Variants in NFILZ observed in about 807,000 individuals in gnomAD.
NFILZ encodes NFIL3 like protein.
rs2043128606 is a variant in NFILZ at position 8,678,328 on chromosome 19, A to T, written c.*693A>T. Among the ~76,000 whole-genome samples the T allele has an allele frequency of 6.6e-6, 1 of 150,408 alleles. No individual in the cohort carries two copies. The highest frequency in any genetic ancestry group is 6.6e-5 in the Admixed American group (1 of 15,124). ...TGTTCTTCCTTCTTTCTATCTAGCC[A>T]TCCATTCTCATTCATCCATGCATTT... On this transcript the variant is annotated 3_prime_UTR_variant, in exon 6 of 6. Coordinates refer to ENST00000691075, the MANE Select transcript of NFILZ (RefSeq NM_001378600.1).
At position 8,635,426 on chromosome 19, in the gene NFILZ, C is replaced by T. The variant is rs1313130822; in HGVS notation, c.-260-224C>T. On this transcript the variant is annotated intron_variant, in intron 2 of 5. Transcript: ENST00000691075. Reference sequence around the variant, plus strand: ...AATTTCTCTCCCTCAGTCCCAGCCCCTGGCCCCTGCTGACTTCCTCTCTGT... The same window carrying T: ...AATTTCTCTCCCTCAGTCCCAGCCCTTGGCCCCTGCTGACTTCCTCTCTGT... Among the ~76,000 whole-genome samples, 9 of 152,060 alleles carry T rather than the reference C, an allele frequency of 5.9e-5. No individual in the cohort carries two copies. The East Asian group carries it at 1.7e-3, about 29-fold the overall frequency.
chr19:8,631,070 C>A (rs7254400), intron 1 of NFILZ, among the ~76,000 whole-genome samples: 43,817 of 152,146 alleles, frequency 0.29, 6,469 homozygotes, highest in Middle Eastern at 0.38. Context: ...ACAGCTTTCT[C>A]AAACTTACTT....
intron 3 of NFILZ, among the ~76,000 whole-genome samples, chr19:8,653,043 TCTCTCTCTCTCTCTCTCTCTCTC>T (rs2042975894): frequency 0.015 from 1,066 of 69,234 alleles, 49 homozygotes; most frequent in East Asian, 0.1. Context: ...TTTCTTTCTC[TCTCTCTCTCTCTCTCTCTCTCTC>T]TCTCTCTCTC....
chr19:8,636,029 G>T (rs1422167319), intron 3 of NFILZ, among the ~76,000 whole-genome samples: 6 of 151,854 alleles, frequency 4.0e-5, no homozygotes, highest in South Asian at 2.1e-4. Flanking sequence ...TAGAGAGGGG[G>T]TTTCACCGTA....
chr19:8,656,289 C>CAGCCCACCTTCTCCCTGA (rs2042994358), intron 3 of NFILZ, among the ~76,000 whole-genome samples: 3 of 32,958 alleles, frequency 9.1e-5, no homozygotes, highest in Non-Finnish European at 2.2e-4. Flanking sequence ...CTTCTCCCCA[C>CAGCCCACCTTCTCCCTGA]AGCCCACCTC....
chr19:8,655,627 A>G (rs4804321), intron 3 of NFILZ, among the ~76,000 whole-genome samples: 193 of 152,266 alleles, frequency 1.3e-3, no homozygotes, highest in Admixed American at 2.0e-3. Context: ...CGTCCAGAGC[A>G]GGTGAGGACG....
chr19:8,665,478 G>A (rs2043057801), intron 3 of NFILZ, among the ~76,000 whole-genome samples: 2 of 152,052 alleles, frequency 1.3e-5, no homozygotes, highest in Non-Finnish European at 2.9e-5. Context: ...CTTCAAACAG[G>A]GTATGAGTCC....
chr19:8,671,162 G>A (rs184254910), intron 3 of NFILZ, among the ~76,000 whole-genome samples: 62 of 152,220 alleles, frequency 4.1e-4, no homozygotes, highest in African/African-American at 1.4e-3. Context: ...AGCTGCGGAG[G>A]CTGCTTGGCT....
At chr19:8,648,372 A>G (rs1555747406) in intron 3 of NFILZ, among the ~76,000 whole-genome samples, 1 of 152,100 alleles carries the variant, frequency 6.6e-6, no homozygotes, top group African/African-American at 2.4e-5. Flanking sequence ...TTTAATGGGT[A>G]TGCTGTTTTG....
chr19:8,653,034 TTCTTTCTCTCTC>T (rs1486598538), intron 3 of NFILZ, among the ~76,000 whole-genome samples: 17 of 57,508 alleles, frequency 3.0e-4, no homozygotes, highest in African/African-American at 1.0e-3. Context: ...CTTTCTTTCT[TTCTTTCTCTCTC>T]TCTCTCTCTC....
At chr19:8,634,466 T>C (rs1422708120) in intron 2 of NFILZ, among the ~76,000 whole-genome samples, 1 of 152,252 alleles carries the variant, frequency 6.6e-6, no homozygotes, top group African/African-American at 2.4e-5. Context: ...TTATTTTTTG[T>C]AGAGATGGGA....
At chr19:8,674,228 A>C (rs2043101273) in intron 3 of NFILZ, among the ~76,000 whole-genome samples, 1 of 152,176 alleles carries the variant, frequency 6.6e-6, no homozygotes, top group Non-Finnish European at 1.5e-5. Context: ...GGCGGAGCAG[A>C]CTCACACATT....
intron 3 of NFILZ, among the ~76,000 whole-genome samples, chr19:8,666,385 AGGCTG>A (rs1404342606): frequency 5.3e-5 from 8 of 151,584 alleles, no homozygotes; most frequent in Non-Finnish European, 1.0e-4. Flanking sequence ...TATGTTGCCC[AGGCTG>A]GTCTTGAACT....
chr19:8,671,634 T>C (rs1285793865), intron 3 of NFILZ, among the ~76,000 whole-genome samples: 1 of 152,004 alleles, frequency 6.6e-6, no homozygotes, highest in Non-Finnish European at 1.5e-5. Flanking sequence ...CCTCTTCCTT[T>C]CCAGCCCAGC....
At chr19:8,655,768 C>T (rs2146152071) in intron 3 of NFILZ, among the ~76,000 whole-genome samples, 1 of 152,154 alleles carries the variant, frequency 6.6e-6, no homozygotes, top group East Asian at 1.9e-4. Flanking sequence ...ACCCTCTCAA[C>T]TCTGTCCTTT....
intron 3 of NFILZ, among the ~76,000 whole-genome samples, chr19:8,636,871 C>T (rs1171828791): frequency 6.6e-6 from 1 of 152,122 alleles, no homozygotes; most frequent in Non-Finnish European, 1.5e-5. Context: ...GGATTACAGG[C>T]ATTAGCCATT....
chr19:8,633,259 C>T (rs62119446), intron 2 of NFILZ, among the ~76,000 whole-genome samples: 29 of 151,488 alleles, frequency 1.9e-4, no homozygotes, highest in Non-Finnish European at 3.5e-4. Flanking sequence ...TGACCTAAGG[C>T]GATGCACCCA....
At chr19:8,667,693 G>A (rs946662022) in intron 3 of NFILZ, among the ~76,000 whole-genome samples, 2 of 151,892 alleles carry the variant, frequency 1.3e-5, no homozygotes, top group Non-Finnish European at 2.9e-5. Flanking sequence ...GATTACAGGT[G>A]TCCACCACTA....
At chr19:8,664,486 G>C (rs1340776601) in intron 3 of NFILZ, among the ~76,000 whole-genome samples, 3 of 152,162 alleles carry the variant, frequency 2.0e-5, no homozygotes, top group African/African-American at 7.2e-5. Flanking sequence ...TGCCGGGGGA[G>C]GGGGAGGGCG....
Sources: gnomAD v4.1 joint callset for allele counts (sites outside exome capture counted in the v4.1 genomes callset) on GRCh38, gnomAD v4.1.1 for gene constraint, MANE v1.5 for transcripts, NCBI Gene and HGNC (gene_info 2026-07-23, HGNC 2026-07-21) for gene names.